FBP1: variants seen among roughly 807,000 people sequenced by gnomAD.
FBP1 encodes fructose-1,6-bisphosphatase 1.
FBP1 carries 22 observed loss-of-function variants against 29.9 expected under a neutral mutation model. That is an observed-to-expected ratio of 0.74 (90% confidence interval 0.53 to 1.05). FBP1 has a LOEUF of 1.05. FBP1 is among the 50% of genes least tolerant of loss of function. The pLI, the probability that FBP1 is intolerant of heterozygous loss-of-function variation, is 0.00. For synonymous variants in FBP1, 175 were observed against 178.6 expected, an observed-to-expected ratio of 0.98 and a Z score of 0.16; for missense variants, 345 against 448.2, an observed-to-expected ratio of 0.77 and a Z score of 2.08.
At chr9:94,637,223 A>T (rs563721548) in intron 1 of FBP1, among the ~76,000 whole-genome samples, 2 of 152,254 alleles carry the variant, frequency 1.3e-5, no homozygotes, top group South Asian at 4.2e-4. Context: ...ACTCCTTTAC[A>T]TGAATTACCT....
Position 94,606,914 on chromosome 9 carries a change from CT to C in FBP1, c.605del (p.Lys202ArgfsTer2). On this transcript the variant is annotated frameshift_variant, in exon 5 of 7. Transcript: ENST00000375326. LOFTEE classifies it high-confidence loss of function. ...GEFILVDKDV[K>X]IKKKGKIYSL... ...TGTAGATTTTACCTTTCTTTTTTAT[CT>C]TCACATCCTTGTCCACCAAAATGAA... The C allele has an allele frequency of 6.2e-7, 1 of 1,614,100 alleles. No homozygotes were observed. Among genetic ancestry groups the C allele is most frequent in the Non-Finnish European group, 8.5e-7 (1 of 1,179,968 alleles).
At chr9:94,622,508 C>T (rs1403192868) in intron 1 of FBP1, among the ~76,000 whole-genome samples, 2 of 152,250 alleles carry the variant, frequency 1.3e-5, no homozygotes, top group Non-Finnish European at 2.9e-5. Context: ...CTGGGCAAAA[C>T]TGAGCCCCTC....
At chr9:94,606,225 T>C (rs1211068866) in intron 5 of FBP1, among the ~76,000 whole-genome samples, 1 of 152,162 alleles carries the variant, frequency 6.6e-6, no homozygotes, top group African/African-American at 2.4e-5. Context: ...ATATTCCATA[T>C]AGAGCAAGCT....
intron 2 of FBP1, among the ~76,000 whole-genome samples, 168 bp from the exon 3 acceptor site, chr9:94,618,028 T>C (rs1420395269): frequency 6.6e-6 from 1 of 152,136 alleles, no homozygotes; most frequent in African/African-American, 2.4e-5. Flanking sequence ...AATGCACAGA[T>C]ACACACACAT....
rs28369717 is a variant in FBP1 at position 94,612,167 on chromosome 9, G to C, written c.427-2106C>G. ...TTGAAAAATGAAATTAATGGCCTTTGTCAACATGCGCTGCCTGTCAGAGGC... is the reference window on the plus strand; with the variant it reads ...TTGAAAAATGAAATTAATGGCCTTTCTCAACATGCGCTGCCTGTCAGAGGC... On this transcript the variant is annotated intron_variant, in intron 3 of 6. Coordinates refer to ENST00000375326, the MANE Select transcript of FBP1 (RefSeq NM_000507.4). Among the ~76,000 whole-genome samples, 918 of 152,290 alleles carry C rather than the reference G, an allele frequency of 6.0e-3. 6 individuals carry two copies. Among genetic ancestry groups the C allele is most frequent in the African/African-American group, 0.021 (879 of 41,550 alleles).
intron 2 of FBP1, among the ~76,000 whole-genome samples, chr9:94,620,068 G>C (rs925302940): frequency 6.6e-6 from 1 of 152,078 alleles, no homozygotes; most frequent in African/African-American, 2.4e-5. Context: ...CCTTAAACAT[G>C]GCAATAAAAA....
chr9:94,615,680 C>G (rs1827851795), intron 3 of FBP1, among the ~76,000 whole-genome samples: 1 of 152,136 alleles, frequency 6.6e-6, no homozygotes, highest in African/African-American at 2.4e-5. Flanking sequence ...GGATCTGCCT[C>G]TTACCCAAGA....
chr9:94,616,998 G>T (rs1281723547), intron 3 of FBP1, among the ~76,000 whole-genome samples: 1 of 152,078 alleles, frequency 6.6e-6, no homozygotes, highest in Non-Finnish European at 1.5e-5. Context: ...CGAGTCAGGT[G>T]TTAGGAGACC....
At chr9:94,624,640 C>T (rs777790148) in intron 1 of FBP1, among the ~76,000 whole-genome samples, 4 of 151,762 alleles carry the variant, frequency 2.6e-5, no homozygotes, top group African/African-American at 9.7e-5. Flanking sequence ...GCAACAAGAG[C>T]GAAACGCTGT....
rs1827637960 is a variant in FBP1, at chr9:94,603,321, G to A, written c.*60C>T. On this transcript the variant is annotated 3_prime_UTR_variant, in exon 7 of 7. Coordinates refer to ENST00000375326, the MANE Select transcript of FBP1 (RefSeq NM_000507.4). ...AAGGTGCACAGCAGGTCAGGGTACT[G>A]CTGTGTGAGACAAAAGGTCCAGGTA... 2 of 1,371,796 alleles carry A rather than the reference G, an allele frequency of 1.5e-6. No individual in the cohort carries two copies. The highest frequency in any genetic ancestry group is 3.6e-5 in the Admixed American group (2 of 55,424). 85.0% of individuals were successfully genotyped at this position (1,371,796 alleles called of 1,614,324 possible). A position where few individuals can be genotyped will look rare whatever the true frequency, so the allele number is the denominator to read the frequency against.
chr9:94,608,256 A>C (rs891849682), intron 4 of FBP1, among the ~76,000 whole-genome samples: 20 of 152,216 alleles, frequency 1.3e-4, no homozygotes, highest in Admixed American at 7.9e-4. Flanking sequence ...AAGAGGAAGC[A>C]CTTAGCACCT....
Position 94,639,284 on chromosome 9 carries a change from C to T in FBP1, c.27G>A (p.Thr9=), listed in dbSNP as rs748356162. The T allele has an allele frequency of 6.2e-7, 1 of 1,607,624 alleles. No homozygotes were observed. Residue 9 remains threonine, a synonymous_variant, in exon 1 of 7, where the codon ACG becomes ACA. Transcript: ENST00000375326. ...CGAAGCGGGTCAGGGTGTTGACGTC[C>T]GTGTCGAAGGGCGCCTGGTCAGCCA... The part of the protein sequence containing the change: MADQAPFD[T]DVNTLTRFVM...
At chr9:94,615,185 G>A (rs556271840) in intron 3 of FBP1, among the ~76,000 whole-genome samples, 36 of 152,276 alleles carry the variant, frequency 2.4e-4, no homozygotes, top group Non-Finnish European at 5.0e-4. Context: ...TGGGATTACC[G>A]GGGTGAGCCA....
chr9:94,631,438 G>A (rs953884349), intron 1 of FBP1, among the ~76,000 whole-genome samples: 8 of 152,196 alleles, frequency 5.3e-5, no homozygotes, highest in African/African-American at 1.9e-4. Context: ...TGTTTTCCAA[G>A]TTTACAAATG....
Position 94,629,892 on chromosome 9 carries a change from G to A in FBP1, c.170+9249C>T, listed in dbSNP as rs187282151. The stretch of plus-strand genomic sequence containing the variant: ...TTTGTACAAGAATGCCAAGAGTGGA[G>A]GGCCTCTGAGCTCACCTCACCTGTT... On this transcript the variant is annotated intron_variant, in intron 1 of 6. Transcript: ENST00000375326. Among the ~76,000 whole-genome samples, 124 of 152,296 alleles carry A rather than the reference G, an allele frequency of 8.1e-4. 2 individuals are homozygous for A. The Middle Eastern group carries it at 0.01, about 13-fold the overall frequency.
chr9:94,613,826 C>T (rs2131481600), intron 3 of FBP1, among the ~76,000 whole-genome samples: 1 of 151,276 alleles, frequency 6.6e-6, no homozygotes, highest in Admixed American at 6.6e-5. Flanking sequence ...GCCTGTAATC[C>T]TAGCACTTTG....
chr9:94,606,754 A>C (rs1451186117), intron 5 of FBP1, 61 bp downstream of exon 5: 2 of 1,559,658 alleles, frequency 1.3e-6, no homozygotes, highest in Non-Finnish European at 1.7e-6. Flanking sequence ...CCCTGCCTCC[A>C]GAACGGCCTC....
At position 94,639,170 on chromosome 9, in the gene FBP1, C is replaced by G. The variant is rs148976582; in HGVS notation, c.141G>C (p.Ser47=). The G allele has an allele frequency of 4.3e-5, 69 of 1,605,190 alleles. No individual in the cohort carries two copies. The African/African-American group carries it at 6.1e-4, about 14-fold the overall frequency. ...GCGCGATGCCCGCCTTGCGCACCGC[C>G]GAAGAGATGGCTTTGACTGCTGTGC... ...SLCTAVKAIS[S]AVRKAGIAHL... The change falls in exon 1 of 7, where the codon TCG becomes TCC. Residue 47 remains serine, a synonymous_variant. Transcript: ENST00000375326.
At chr9:94,616,951 T>TCTCA (rs1827873369) in intron 3 of FBP1, among the ~76,000 whole-genome samples, 1 of 151,956 alleles carries the variant, frequency 6.6e-6, no homozygotes, top group South Asian at 2.1e-4. Context: ...TCTCTCTCTC[T>TCTCA]CTCAGAAAAA....
Sources: allele counts gnomAD v4.1 joint callset (sites outside exome capture counted in the v4.1 genomes callset), GRCh38; gene constraint gnomAD v4.1.1; transcripts MANE v1.5; gene names NCBI Gene and HGNC (gene_info 2026-07-23, HGNC 2026-07-21).